Variants in NBEA observed in about 807,000 individuals in gnomAD.
NBEA encodes the protein lysosomal-trafficking regulator 2.
Under a neutral mutation model 343.4 loss-of-function variants are expected in NBEA, and 44 were observed. That is an observed-to-expected ratio of 0.13 (90% confidence interval 0.10 to 0.16). NBEA has a LOEUF of 0.16. Among genes scored for constraint, NBEA ranks in the 10% least tolerant of loss-of-function variants. The probability of loss-of-function intolerance (pLI) is 1.00; values close to 1 mark genes in which losing one functional copy is unlikely to be tolerated. For synonymous variants in NBEA, 1,175 were observed against 1,238.7 expected (o/e 0.95, Z 1.08); for missense variants, 2,555 against 3,631.3 (o/e 0.70, Z 7.62).
At chr13:35,588,843 C>G (rs1022403651) in intron 46 of NBEA, among the ~76,000 whole-genome samples, 2 of 152,160 alleles carry the variant, frequency 1.3e-5, no homozygotes, top group Non-Finnish European at 2.9e-5. Flanking sequence ...TCAGTATATT[C>G]AACCCTCCTA....
At chr13:35,117,625 A>C in intron 14 of NBEA, 132 bp downstream of exon 14, 1 of 349,796 alleles carries the variant, frequency 2.9e-6, no homozygotes, top group Non-Finnish European at 5.0e-6. Flanking sequence ...TCCACATCTT[A>C]GTATTCACTT....
intron 40 of NBEA, among the ~76,000 whole-genome samples, chr13:35,471,795 C>T (rs1029754994): frequency 1.3e-5 from 2 of 152,132 alleles, no homozygotes; most frequent in Admixed American, 6.5e-5. Context: ...CTAAGATTTT[C>T]GTTCTTTTCT....
intron 34 of NBEA, among the ~76,000 whole-genome samples, chr13:35,275,513 TTAAAC>T (rs1368147597): frequency 6.6e-6 from 1 of 152,112 alleles, no homozygotes; most frequent in African/African-American, 2.4e-5. Flanking sequence ...TGGGATCTAA[TTAAAC>T]TAAAGAGCTT....
intron 49 of NBEA, among the ~76,000 whole-genome samples, chr13:35,644,502 T>A (rs1317954635): frequency 2.0e-5 from 3 of 152,168 alleles, no homozygotes; most frequent in African/African-American, 7.2e-5. Flanking sequence ...ATTTAAAGGC[T>A]CCCTACTAAG....
intron 17 of NBEA, among the ~76,000 whole-genome samples, chr13:35,124,092 A>G (rs529507019): frequency 1.6e-4 from 25 of 152,062 alleles, no homozygotes; most frequent in Non-Finnish European, 2.9e-4. Flanking sequence ...TTTTTGTGTA[A>G]GAAACTGCTG....
chr13:35,296,665 T>C (rs2036153465), intron 35 of NBEA, among the ~76,000 whole-genome samples: 1 of 152,046 alleles, frequency 6.6e-6, no homozygotes, highest in Admixed American at 6.6e-5. Context: ...TTTATTTTTC[T>C]TTAATCTTTA....
intron 38 of NBEA, among the ~76,000 whole-genome samples, chr13:35,408,878 G>A (rs927333289): frequency 1.3e-5 from 2 of 152,244 alleles, no homozygotes; most frequent in African/African-American, 4.8e-5. Flanking sequence ...TGGAGAAAAA[G>A]GAACACTTGT....
intron 46 of NBEA, among the ~76,000 whole-genome samples, chr13:35,590,852 C>G (rs1359784978): frequency 2.6e-5 from 4 of 152,072 alleles, no homozygotes; most frequent in African/African-American, 9.7e-5. Flanking sequence ...AAACCCGTAT[C>G]TTACTCTCAC....
intron 41 of NBEA, among the ~76,000 whole-genome samples, chr13:35,524,284 A>G (rs2077863071): frequency 6.6e-6 from 1 of 152,212 alleles, no homozygotes; most frequent in Admixed American, 6.5e-5. Context: ...ATGTTTCAAA[A>G]CACCAAGTCA....
At chr13:35,588,345 C>T (rs1040290088) in intron 46 of NBEA, among the ~76,000 whole-genome samples, 4 of 151,998 alleles carry the variant, frequency 2.6e-5, no homozygotes, top group African/African-American at 9.7e-5. Context: ...CACTCCCATT[C>T]CAAGGAGTTT....
chr13:35,218,641 T>G (rs2074198953), intron 33 of NBEA, among the ~76,000 whole-genome samples: 1 of 151,850 alleles, frequency 6.6e-6, no homozygotes, highest in Non-Finnish European at 1.5e-5. Flanking sequence ...ACCTATTAAT[T>G]ATATATAATT....
At chr13:35,522,607 G>A (rs546140147) in intron 41 of NBEA, among the ~76,000 whole-genome samples, 10 of 151,486 alleles carry the variant, frequency 6.6e-5, no homozygotes, top group East Asian at 5.9e-4. Flanking sequence ...CCTCCCCTGC[G>A]ACGGTACCAG....
Position 35,593,231 on chromosome 13 carries a change from A to G in NBEA, c.7177-97A>G, listed in dbSNP as rs2081615569. Reference sequence around the variant, plus strand: ...CTTTCTAGGACCCTGATCTGCCTCCACATCTTGAAGGATTTTCAAGATAGC... The same window carrying G: ...CTTTCTAGGACCCTGATCTGCCTCCGCATCTTGAAGGATTTTCAAGATAGC... On this transcript the variant is annotated intron_variant, in intron 46 of 58. Transcript: ENST00000379939. The G allele has an allele frequency of 2.9e-6, 4 of 1,384,416 alleles. No individual in the cohort carries two copies. The Admixed American group carries it at 6.5e-5, about 22-fold the overall frequency. The allele number at this position is 1,384,416 out of a possible 1,614,324, so 85.8% of individuals were successfully genotyped here.
At chr13:34,984,326 G>T (rs1001962059) in intron 1 of NBEA, among the ~76,000 whole-genome samples, 1 of 152,096 alleles carries the variant, frequency 6.6e-6, no homozygotes, top group Admixed American at 6.5e-5. Flanking sequence ...GCTTGTTTTT[G>T]ACAACTTTCT....
At chr13:34,995,392 GC>G (rs2060903993) in intron 1 of NBEA, among the ~76,000 whole-genome samples, 1 of 149,752 alleles carries the variant, frequency 6.7e-6, no homozygotes, top group South Asian at 2.1e-4. Flanking sequence ...CTGCACTCCA[GC>G]CTGGGTGACA....
chr13:35,222,808 A>G (rs533444874), intron 33 of NBEA, among the ~76,000 whole-genome samples: 1 of 152,280 alleles, frequency 6.6e-6, no homozygotes, highest in East Asian at 1.9e-4. Context: ...TAATGTTGTC[A>G]TACGTTTTAC....
chr13:35,115,263 T>A (rs2066437497), intron 13 of NBEA, among the ~76,000 whole-genome samples: 1 of 152,110 alleles, frequency 6.6e-6, no homozygotes, highest in Admixed American at 6.6e-5. Flanking sequence ...GTTTCAAAGC[T>A]TTATTTTGAA....
At chr13:35,130,805 T>C (rs1167606711) in intron 17 of NBEA, among the ~76,000 whole-genome samples, 1 of 152,016 alleles carries the variant, frequency 6.6e-6, no homozygotes, top group East Asian at 1.9e-4. Context: ...TGACTTTCTC[T>C]GCAAACAGTG....
intron 30 of NBEA, among the ~76,000 whole-genome samples, chr13:35,194,256 G>T (rs1485766413): frequency 1.3e-5 from 2 of 151,922 alleles, no homozygotes; most frequent in African/African-American, 4.8e-5. Flanking sequence ...ACTTTCAGAA[G>T]CTGTGATCAC....
Sources: gnomAD v4.1 joint callset for allele counts (sites outside exome capture counted in the v4.1 genomes callset) on GRCh38, gnomAD v4.1.1 for gene constraint, MANE v1.5 for transcripts, NCBI Gene and HGNC (gene_info 2026-07-23, HGNC 2026-07-21) for gene names.